Variants in ZNF117 observed in about 807,000 individuals in gnomAD.
ZNF117 encodes zinc finger protein 117, also known as Krueppel-related zinc finger protein.
ZNF117 carries 37 observed loss-of-function variants against 41.2 expected under a neutral mutation model. That is an observed-to-expected ratio of 0.90 (90% CI 0.69 to 1.18). The LOEUF is 1.18. Ranked by LOEUF, ZNF117 falls within the 50% of genes most tolerant of loss-of-function variation. The pLI is 0.00. For synonymous variants in ZNF117, 186 were observed against 186.6 expected (o/e 1.00, Z 0.02); for missense variants, 546 against 557.5 (o/e 0.98, Z 0.21).
rs1786045718 is a variant in ZNF117, at chr7:64,982,087, T to C, written c.-166A>G. ...ATTGCCACTCCTCCAAAGAGAATTCTATGGCCACATCCATAAATGTCAATG... is the reference window on the plus strand; with the variant it reads ...ATTGCCACTCCTCCAAAGAGAATTCCATGGCCACATCCATAAATGTCAATG... On this transcript the variant is annotated 5_prime_UTR_variant, in exon 1 of 3. In the 5' UTR this introduces an upstream ATG that the reference lacks. Coordinates refer to ENST00000620222, the Ensembl canonical transcript of ZNF117. 8 of 964,966 alleles carry C rather than the reference T, an allele frequency of 8.3e-6. No individual in the cohort carries two copies. In the Admixed American group the frequency reaches 1.1e-4, roughly 13 times the overall value. The allele number at this position is 964,966 out of a possible 1,614,324, so 59.8% of individuals were successfully genotyped here.
At chr7:64,978,689 T>G in exon 3 of ZNF117, 1 of 1,613,012 alleles carries the variant, frequency 6.2e-7, no homozygotes, top group South Asian at 1.1e-5. Flanking sequence ...TTCTCTTATG[T>G]GTAGTAAGGG....
chr7:64,981,382 C>T lies in ZNF117; in HGVS notation c.34+5G>A, dbSNP rs1305494034. On this transcript the variant is annotated splice_donor_5th_base_variant and intron_variant, in intron 2 of 2. Transcript: ENST00000620222. ...TGTGCCATCTGTGTATTCACTCTCA[C>T]TTACCTAAATGTTTAGCTACCATCT... is the stretch of plus-strand genomic sequence containing the variant. 1.2e-6 allele frequency: 2 copies of T among 1,613,080 alleles called. No homozygotes were observed. Among genetic ancestry groups the T allele is most frequent in the Non-Finnish European group, 1.7e-6 (2 of 1,179,204 alleles).
chr7:64,975,835 C>A (rs1335053253), exon 3 of ZNF117: 2 of 152,032 alleles, frequency 1.3e-5, no homozygotes, highest in African/African-American at 2.4e-5. Context: ...ACTGTGAATT[C>A]TCTGATATTT....
chr7:64,985,927 G>A (rs1159563920), upstream of ZNF117, among the ~76,000 whole-genome samples: 1 of 125,478 alleles, frequency 8.0e-6, no homozygotes, highest in Non-Finnish European at 1.6e-5. Flanking sequence ...CTCCAGCCTG[G>A]GCAACCAGGT....
At chr7:64,988,245 AG>A (rs1322006496) in intron 1 of ZNF117, among the ~76,000 whole-genome samples, 5 of 152,208 alleles carry the variant, frequency 3.3e-5, no homozygotes, top group Non-Finnish European at 7.3e-5. Flanking sequence ...CACATCAAAA[AG>A]CAAATCCATT....
At chr7:64,972,606 G>C (rs889070120), downstream of ZNF117, 1 of 152,030 alleles carries the variant, frequency 6.6e-6, no homozygotes, top group Non-Finnish European at 1.5e-5. Context: ...TTAAAGTAGA[G>C]AGTAAAGTGG....
exon 1 of ZNF117, chr7:64,990,213 A>G (rs1455536965): frequency 1.3e-5 from 2 of 152,256 alleles, no homozygotes; most frequent in Admixed American, 6.5e-5. Flanking sequence ...ATTATTAGAA[A>G]AATGCAGAGA....
At chr7:64,972,613 G>C (rs1022731552), downstream of ZNF117, 5 of 152,006 alleles carry the variant, frequency 3.3e-5, no homozygotes, top group African/African-American at 1.2e-4. Context: ...AGAGAGTAAA[G>C]TGGTGACCAC....
chr7:64,986,691 C>T (rs1786143473), upstream of ZNF117, among the ~76,000 whole-genome samples: 1 of 152,110 alleles, frequency 6.6e-6, no homozygotes, highest in Admixed American at 6.6e-5. Context: ...TATTTAAGAA[C>T]CAAAAGGATA....
At position 64,978,942 on chromosome 7, in the gene ZNF117, G is replaced by T. The variant is rs372088616; in HGVS notation, c.629C>A (p.Thr210Lys). 1.9e-6 allele frequency: 3 copies of T among 1,612,306 alleles called. No individual in the cohort carries two copies. ...TTCCCCAGTATGAATTATATTATGT[G>T]TAGTAAGGGTCGATGACTGGTTAAA... The change falls in exon 3 of 3, where the codon ACA becomes AAA. Residue 210 changes from threonine to lysine, a missense_variant. Coordinates refer to ENST00000620222, the Ensembl canonical transcript of ZNF117.
At chr7:64,981,647 G>A (rs1786035280) in intron 1 of ZNF117, among the ~76,000 whole-genome samples, 165 bp from the exon 3 acceptor site, 1 of 151,986 alleles carries the variant, frequency 6.6e-6, no homozygotes, top group Non-Finnish European at 1.5e-5. Flanking sequence ...TTTTAAATTT[G>A]TAGTTTCTTA....
rs183503276 is a variant in ZNF117 at position 64,981,348 on chromosome 7, C to T, written c.34+39G>A. 7.4e-5 allele frequency: 119 copies of T among 1,610,776 alleles called. 1 individual carries two copies. The Admixed American group carries it at 1.2e-3, about 16-fold the overall frequency. On this transcript the variant is annotated intron_variant, in intron 2 of 2. Coordinates refer to ENST00000620222, the Ensembl canonical transcript of ZNF117. The stretch of plus-strand genomic sequence containing the variant: ...CTGTGGCCTTCTCCTTGGCCTTTGA[C>T]CTCTTCTCTGTGCCATCTGTGTATT...
chr7:64,974,488 A>G (rs1785836526), exon 3 of ZNF117: 1 of 151,986 alleles, frequency 6.6e-6, no homozygotes, highest in Admixed American at 6.5e-5. Flanking sequence ...CTTTATTAAA[A>G]TATTTGTTTT....
At chr7:64,978,079 C>T (rs748719953) in exon 3 of ZNF117, 9 of 1,585,118 alleles carry the variant, frequency 5.7e-6, no homozygotes, top group Non-Finnish European at 6.9e-6. Context: ...TAAGGTTTCT[C>T]TCCAGTATGA....
At chr7:64,984,266 G>A (rs564913143), upstream of ZNF117, among the ~76,000 whole-genome samples, 9 of 152,240 alleles carry the variant, frequency 5.9e-5, no homozygotes, top group East Asian at 1.5e-3. Flanking sequence ...AGAGTAGCTG[G>A]GATTACAGGC....
chr7:64,989,479 ATATATATATATATATAT>A (rs1786211354), intron 1 of ZNF117, among the ~76,000 whole-genome samples: 1 of 107,466 alleles, frequency 9.3e-6, no homozygotes, highest in African/African-American at 3.3e-5. Flanking sequence ...ATATATATAT[ATATATATATATATATAT>A]ATAAAACCTG....
chr7:64,981,566 A>C (rs1279874709), intron 1 of ZNF117, 84 bp from the exon 3 acceptor site: 2 of 1,157,144 alleles, frequency 1.7e-6, no homozygotes, highest in Non-Finnish European at 2.5e-6. Flanking sequence ...AAGAGAATGC[A>C]ATAGAATATT....
At chr7:64,977,765 TG>T in exon 3 of ZNF117, 1 of 913,762 alleles carries the variant, frequency 1.1e-6, no homozygotes, top group African/African-American at 1.6e-5. Context: ...TTATTTTATG[TG>T]TAGTAAGAGT....
chr7:64,983,213 A>G (rs1786067393), upstream of ZNF117, among the ~76,000 whole-genome samples: 1 of 152,184 alleles, frequency 6.6e-6, no homozygotes, highest in Non-Finnish European at 1.5e-5. Context: ...TGGTACCTCA[A>G]CGTTACATGT....
Sources: gnomAD v4.1 joint callset for allele counts (sites outside exome capture counted in the v4.1 genomes callset) on GRCh38, gnomAD v4.1.1 for gene constraint, MANE v1.5 for transcripts, NCBI Gene and HGNC (gene_info 2026-07-23, HGNC 2026-07-21) for gene names.